SNTG1: variants seen among roughly 807,000 people sequenced by gnomAD.
The protein encoded by SNTG1 is gamma-1-syntrophin.
A neutral mutation model predicts 74.7 loss-of-function variants in SNTG1; 39 were observed. The observed-to-expected ratio is 0.52, with a 90% CI of 0.40 to 0.68. The LOEUF (loss-of-function observed/expected upper bound fraction) is 0.68. Ranked by LOEUF, SNTG1 falls within the 30% of genes least tolerant of loss-of-function variation. The pLI is 0.00. For missense variants in SNTG1, 685 were observed against 609.5 expected (o/e 1.12, Z -1.30); for synonymous variants, 254 against 217.1 (o/e 1.17, Z -1.49).
At chr8:50,587,991 G>A (rs891146189) in intron 12 of SNTG1, among the ~76,000 whole-genome samples, 1 of 150,870 alleles carries the variant, frequency 6.6e-6, no homozygotes, top group African/African-American at 2.4e-5. Context: ...GTGGTGGTGG[G>A]CACCTATAGT....
intron 1 of SNTG1, among the ~76,000 whole-genome samples, chr8:49,983,598 A>T (rs750025348): frequency 1.6e-4 from 24 of 152,224 alleles, no homozygotes; most frequent in Non-Finnish European, 3.4e-4. Flanking sequence ...TGGTGCCTAA[A>T]CACCCAATAA....
intron 2 of SNTG1, among the ~76,000 whole-genome samples, chr8:50,371,111 A>G (rs1002555457): frequency 6.6e-5 from 10 of 152,190 alleles, no homozygotes; most frequent in African/African-American, 2.4e-4. Context: ...ATTTTGGAGA[A>G]AAGCCCAGCC....
rs114530409 is a variant in SNTG1, at chr8:50,182,298, C to T, written c.-28+9663C>T. Among the ~76,000 whole-genome samples, 112 of 152,172 alleles carry T rather than the reference C, an allele frequency of 7.4e-4. 1 individual carries two copies. Among genetic ancestry groups the T allele is most frequent in the African/African-American group, 2.6e-3 (106 of 41,532 alleles). ...TAGATATGGTGGGTTCTTTTATTGC[C>T]GATTGCCCTTCTCCAAAGTTAGGTG... On this transcript the variant is annotated intron_variant, in intron 2 of 18. Transcript: ENST00000642720.
chr8:50,007,928 A>T (rs1203171268), intron 1 of SNTG1, among the ~76,000 whole-genome samples: 1 of 152,158 alleles, frequency 6.6e-6, no homozygotes, highest in Non-Finnish European at 1.5e-5. Flanking sequence ...ACAAGGTGGC[A>T]GGAGAGAGAG....
chr8:50,022,113 G>T (rs1367545537), intron 1 of SNTG1, among the ~76,000 whole-genome samples: 1 of 152,090 alleles, frequency 6.6e-6, no homozygotes, highest in Admixed American at 6.6e-5. Flanking sequence ...GGTATAGCAA[G>T]TATATGAGAC....
chr8:50,414,550 C>T (rs1438988797), intron 4 of SNTG1, among the ~76,000 whole-genome samples: 1 of 152,014 alleles, frequency 6.6e-6, no homozygotes, highest in Non-Finnish European at 1.5e-5. Context: ...GACTTCTTAC[C>T]TGTGAATCTT....
At chr8:50,232,982 T>C (rs1218331385) in intron 2 of SNTG1, among the ~76,000 whole-genome samples, 1 of 151,594 alleles carries the variant, frequency 6.6e-6, no homozygotes, top group African/African-American at 2.4e-5. Flanking sequence ...AGTGAAGATG[T>C]CATTGTCAAA....
intron 3 of SNTG1, among the ~76,000 whole-genome samples, chr8:50,401,787 A>G (rs997875728): frequency 6.6e-6 from 1 of 152,180 alleles, no homozygotes. Flanking sequence ...AATTGATTAC[A>G]GTGATGGTTG....
rs1202079119 is a variant in SNTG1, at chr8:50,794,620, T to TAG, written c.*1792_*1793dup. ...ACCCACCAAAAGCAGCCTTCAGTAG[T>TAG]AGGCCACTTCTGAACTTATGGAGAA... is the stretch of plus-strand genomic sequence containing the variant. On this transcript the variant is annotated 3_prime_UTR_variant, in exon 19 of 19. Coordinates refer to ENST00000642720, the MANE Select transcript of SNTG1 (RefSeq NM_018967.5). 1 of 152,020 alleles carries TAG rather than the reference T, an allele frequency of 6.6e-6. No individual in the cohort carries two copies. Among genetic ancestry groups the TAG allele is most frequent in the Admixed American group, 6.6e-5 (1 of 15,226 alleles). The allele number at this position is 152,020 out of a possible 1,614,324, so 9.4% of individuals were successfully genotyped here.
At chr8:50,278,745 A>G (rs1023254986) in intron 2 of SNTG1, among the ~76,000 whole-genome samples, 11 of 152,140 alleles carry the variant, frequency 7.2e-5, no homozygotes, top group Non-Finnish European at 4.4e-5. Context: ...AAATTGAATC[A>G]AGTACAGTTA....
intron 1 of SNTG1, among the ~76,000 whole-genome samples, chr8:50,028,326 T>G (rs1022412150): frequency 2.0e-5 from 3 of 152,136 alleles, no homozygotes; most frequent in African/African-American, 7.2e-5. Context: ...TATTTCATGG[T>G]ATGGATGGTT....
At chr8:50,587,897 G>A (rs938969978) in intron 12 of SNTG1, among the ~76,000 whole-genome samples, 3 of 152,138 alleles carry the variant, frequency 2.0e-5, no homozygotes, top group East Asian at 3.9e-4. Flanking sequence ...GGATCACGAG[G>A]TAGGGAGATC....
At chr8:50,740,146 C>T (rs1304857358) in intron 17 of SNTG1, among the ~76,000 whole-genome samples, 2 of 151,952 alleles carry the variant, frequency 1.3e-5, no homozygotes, top group Admixed American at 1.3e-4. Context: ...CTAAAAAGCT[C>T]TGCGCAGCAA....
chr8:50,241,845 G>T (rs2086177501), intron 2 of SNTG1, among the ~76,000 whole-genome samples: 2 of 152,044 alleles, frequency 1.3e-5, no homozygotes, highest in South Asian at 4.1e-4. Flanking sequence ...GAGTACGCAG[G>T]TAGAACTTGG....
intron 1 of SNTG1, among the ~76,000 whole-genome samples, chr8:50,113,896 G>T (rs969514723): frequency 6.6e-6 from 1 of 150,872 alleles, no homozygotes; most frequent in Non-Finnish European, 1.5e-5. Flanking sequence ...ATGTACCCTA[G>T]AACTTAAAGT....
At chr8:50,420,119 C>G (rs935025414) in intron 4 of SNTG1, among the ~76,000 whole-genome samples, 1 of 152,014 alleles carries the variant, frequency 6.6e-6, no homozygotes, top group Non-Finnish European at 1.5e-5. Context: ...ATTTAAAAAA[C>G]ATAAAGGCTG....
intron 1 of SNTG1, among the ~76,000 whole-genome samples, chr8:50,066,254 CT>C (rs1385431532): frequency 1.3e-5 from 2 of 151,846 alleles, no homozygotes; most frequent in African/African-American, 4.8e-5. Context: ...ATCATAATAG[CT>C]TTTTCATTTT....
intron 18 of SNTG1, among the ~76,000 whole-genome samples, chr8:50,781,973 T>C (rs1349111929): frequency 1.3e-5 from 2 of 152,202 alleles, no homozygotes; most frequent in Admixed American, 6.5e-5. Context: ...AAGCTTAGTT[T>C]GGCTGGATAT....
intron 1 of SNTG1, among the ~76,000 whole-genome samples, chr8:50,159,037 G>A (rs1224466324): frequency 6.6e-6 from 1 of 152,128 alleles, no homozygotes; most frequent in East Asian, 1.9e-4. Flanking sequence ...TGAACGGAAT[G>A]TGCCTTTGCC....
Sources: gnomAD v4.1 joint callset for allele counts (sites outside exome capture counted in the v4.1 genomes callset) on GRCh38, gnomAD v4.1.1 for gene constraint, MANE v1.5 for transcripts, NCBI Gene and HGNC (gene_info 2026-07-23, HGNC 2026-07-21) for gene names.